The following DLGAP1 variants were observed in gnomAD, a reference collection of about 807,000 sequenced individuals.
DLGAP1 encodes the protein DLG associated protein 1, also known as disks large-associated protein 1.
In DLGAP1, 11 loss-of-function variants were observed where a neutral mutation model predicts 90.8. The observed-to-expected ratio is 0.12, with a 90% CI of 0.08 to 0.20. The LOEUF is 0.20. DLGAP1 is among the 10% of genes least tolerant of loss of function. DLGAP1 has a pLI of 1.00. For synonymous variants in DLGAP1, 558 were observed against 540.7 expected (o/e 1.03, Z -0.44); for missense variants, 1,050 against 1,333.8 (o/e 0.79, Z 3.31).
At chr18:4,437,879 ATTAAC>A (rs1390320532) in intron 1 of DLGAP1, among the ~76,000 whole-genome samples, 1 of 151,910 alleles carries the variant, frequency 6.6e-6, no homozygotes, top group Non-Finnish European at 1.5e-5. Flanking sequence ...ATATATAGGA[ATTAAC>A]TTATAACATA....
intron 1 of DLGAP1, among the ~76,000 whole-genome samples, chr18:4,356,407 A>G (rs1278399210): frequency 6.6e-6 from 1 of 152,104 alleles, no homozygotes; most frequent in Non-Finnish European, 1.5e-5. Flanking sequence ...AATTTACATG[A>G]CCAAAACTGA....
intron 5 of DLGAP1, among the ~76,000 whole-genome samples, chr18:3,747,512 A>G (rs963498092): frequency 6.6e-6 from 1 of 152,220 alleles, no homozygotes; most frequent in Admixed American, 6.5e-5. Context: ...CTATTTTGCA[A>G]CCTGACCCAG....
At chr18:3,850,934 G>A (rs2069303767) in intron 4 of DLGAP1, among the ~76,000 whole-genome samples, 1 of 152,036 alleles carries the variant, frequency 6.6e-6, no homozygotes, top group Non-Finnish European at 1.5e-5. Context: ...AACAGGACTG[G>A]TTTTCACAGG....
chr18:3,780,409 T>C (rs2065136636), intron 5 of DLGAP1, among the ~76,000 whole-genome samples: 1 of 152,188 alleles, frequency 6.6e-6, no homozygotes, highest in African/African-American at 2.4e-5. Context: ...CTGCAGGTTC[T>C]AGGGGAGAAG....
chr18:3,975,455 G>C (rs8098545), intron 3 of DLGAP1, among the ~76,000 whole-genome samples: 1 of 151,824 alleles, frequency 6.6e-6, no homozygotes, highest in Non-Finnish European at 1.5e-5. Context: ...GAAAGTGAGT[G>C]TTGGCAAAGA....
At chr18:3,531,731 C>A (rs981338721) in intron 10 of DLGAP1, among the ~76,000 whole-genome samples, 2 of 152,132 alleles carry the variant, frequency 1.3e-5, no homozygotes, top group African/African-American at 4.8e-5. Context: ...GATCTACCCG[C>A]CTCAGCCTCC....
intron 5 of DLGAP1, among the ~76,000 whole-genome samples, chr18:3,785,653 T>C (rs1476463863): frequency 6.6e-6 from 1 of 152,154 alleles, no homozygotes; most frequent in Admixed American, 6.5e-5. Flanking sequence ...TGGGAGGTAT[T>C]GTCTTGTGAA....
Position 3,884,487 on chromosome 18 carries a change from T to G in DLGAP1, c.-72-4347A>C, listed in dbSNP as rs565063446. On this transcript the variant is annotated intron_variant, in intron 3 of 12. Transcript: ENST00000315677. ...ACTGGCAAGAGCTGAAAACATGAATTATACATGTTTACTCCAAAATATACA... is the reference window on the plus strand; with the variant it reads ...ACTGGCAAGAGCTGAAAACATGAATGATACATGTTTACTCCAAAATATACA... 2.0e-5 allele frequency among the ~76,000 whole-genome samples: 3 copies of G among 152,328 alleles called. No homozygotes were observed. The East Asian group carries it at 5.8e-4, about 29-fold the overall frequency.
At chr18:4,022,504 T>A (rs570094024) in intron 2 of DLGAP1, among the ~76,000 whole-genome samples, 24 of 152,238 alleles carry the variant, frequency 1.6e-4, no homozygotes, top group Non-Finnish European at 2.8e-4. Context: ...GGCATAAGTA[T>A]CTTCTAACTT....
intron 1 of DLGAP1, among the ~76,000 whole-genome samples, chr18:4,446,951 T>C (rs2083682628): frequency 6.6e-6 from 1 of 152,114 alleles, no homozygotes. Context: ...CCAGGAGACA[T>C]GGAAGAACAA....
intron 7 of DLGAP1, among the ~76,000 whole-genome samples, chr18:3,694,488 A>G (rs1201965296): frequency 6.6e-6 from 1 of 152,202 alleles, no homozygotes; most frequent in Non-Finnish European, 1.5e-5. Context: ...GAACTAATTT[A>G]CAATCCCACC....
At chr18:3,735,556 C>T (rs1194569962) in intron 6 of DLGAP1, among the ~76,000 whole-genome samples, 4 of 152,058 alleles carry the variant, frequency 2.6e-5, no homozygotes, top group Non-Finnish European at 5.9e-5. Flanking sequence ...GTATATGGTA[C>T]ACACTCCATA....
chr18:3,978,063 C>T lies in DLGAP1; in HGVS notation c.-73+27053G>A, dbSNP rs535550836. 4.7e-5 allele frequency: 18 copies of T among 380,314 alleles called. No individual in the cohort carries two copies. In the Admixed American group the frequency reaches 5.1e-4, roughly 11 times the overall value. 23.6% of individuals were successfully genotyped at this position (380,314 alleles called of 1,614,324 possible). Reference sequence around the variant, plus strand: ...CTGTCATGCCAGTTTCTTGGAGGGGCCATCCACAGTTTTCTGGGTGGCAGT... The same window carrying T: ...CTGTCATGCCAGTTTCTTGGAGGGGTCATCCACAGTTTTCTGGGTGGCAGT... On this transcript the variant is annotated intron_variant, in intron 3 of 12. Transcript: ENST00000315677.
chr18:3,885,632 G>T (rs1028348973), intron 3 of DLGAP1, among the ~76,000 whole-genome samples: 1 of 152,226 alleles, frequency 6.6e-6, no homozygotes, highest in East Asian at 1.9e-4. Context: ...TGGTCAGCAT[G>T]TCTTCATGAG....
chr18:3,727,187 C>T lies in DLGAP1; in HGVS notation c.1591+1948G>A, dbSNP rs1422830558. ...TACCTGAAATTGAAATTTAACTGGA[C>T]GACCTGGATTTTATTTGGCAACTCT... On this transcript the variant is annotated intron_variant, in intron 7 of 12. Coordinates refer to ENST00000315677, the MANE Select transcript of DLGAP1 (RefSeq NM_004746.4). The surrounding 1 kb of genome is among the most constrained non-coding windows in gnomAD (Gnocchi z 4.7). Among the ~76,000 whole-genome samples the T allele has an allele frequency of 6.6e-6, 1 of 152,110 alleles. No homozygotes were observed. Among genetic ancestry groups the T allele is most frequent in the Non-Finnish European group, 1.5e-5 (1 of 68,012 alleles).
At chr18:3,674,448 A>T (rs1488394025) in intron 7 of DLGAP1, among the ~76,000 whole-genome samples, 1 of 151,400 alleles carries the variant, frequency 6.6e-6, no homozygotes, top group East Asian at 2.0e-4. Flanking sequence ...ATGAGCTCCT[A>T]TCTCTACAAA....
intron 3 of DLGAP1, among the ~76,000 whole-genome samples, chr18:3,917,775 T>C (rs16945645): frequency 0.044 from 6,669 of 152,226 alleles, 182 homozygotes; most frequent in African/African-American, 0.056. Flanking sequence ...AGAGCGATAA[T>C]GATCATTTTA....
chr18:3,820,460 A>C (rs1479976191), intron 4 of DLGAP1, among the ~76,000 whole-genome samples: 2 of 152,222 alleles, frequency 1.3e-5, no homozygotes, highest in Non-Finnish European at 2.9e-5. Context: ...CAGTAGAGCA[A>C]GGAAAAGTAG....
chr18:3,650,799 C>T (rs1386082384), intron 7 of DLGAP1, among the ~76,000 whole-genome samples: 2 of 152,188 alleles, frequency 1.3e-5, no homozygotes, highest in Non-Finnish European at 2.9e-5. Flanking sequence ...CCAGGCATGG[C>T]TGCTCACGCC....
Sources: allele counts gnomAD v4.1 joint callset (sites outside exome capture counted in the v4.1 genomes callset), GRCh38; gene constraint gnomAD v4.1.1; non-coding constraint Gnocchi (gnomAD v3.1); transcripts MANE v1.5; gene names NCBI Gene and HGNC (gene_info 2026-07-23, HGNC 2026-07-21).